ARHGAP26: variants seen among roughly 807,000 people sequenced by gnomAD.
ARHGAP26 encodes Rho GTPase activating protein 26, also known as rho GTPase-activating protein 26.
ARHGAP26 carries 38 observed loss-of-function variants against 104.8 expected under a neutral mutation model. The observed-to-expected ratio is 0.36, with a 90% CI of 0.28 to 0.48. The LOEUF (loss-of-function observed/expected upper bound fraction) is 0.48, where lower values mean the gene tolerates loss of function less well. Among genes scored for constraint, ARHGAP26 ranks in the 20% least tolerant of loss-of-function variants. The pLI, the probability that ARHGAP26 is intolerant of heterozygous loss-of-function variation, is 0.99. For synonymous variants in ARHGAP26, 341 were observed against 340.0 expected, an observed-to-expected ratio of 1.00 and a Z score of -0.03; for missense variants, 704 against 947.9, an observed-to-expected ratio of 0.74 and a Z score of 3.38.
At chr5:142,778,445 TG>T (rs1756810519) in intron 1 of ARHGAP26, among the ~76,000 whole-genome samples, 1 of 152,342 alleles carries the variant, frequency 6.6e-6, no homozygotes, top group African/African-American at 2.4e-5. Context: ...TTTTTCTGCG[TG>T]TTTTTTTCAT....
intron 1 of ARHGAP26, among the ~76,000 whole-genome samples, chr5:142,821,966 C>T (rs543221435): frequency 6.6e-6 from 1 of 152,282 alleles, no homozygotes; most frequent in African/African-American, 2.4e-5. Flanking sequence ...AGGGCTGACC[C>T]AGCCCTTTGA....
At chr5:143,053,577 T>G (rs1785340773) in intron 14 of ARHGAP26, among the ~76,000 whole-genome samples, 1 of 152,244 alleles carries the variant, frequency 6.6e-6, no homozygotes, top group Admixed American at 6.5e-5. Context: ...TCAGGAAGAT[T>G]ATAAGAATTA....
intron 22 of ARHGAP26, chr5:143,216,877 AG>A (rs1810422200): frequency 6.6e-6 from 1 of 152,626 alleles, no homozygotes; most frequent in Admixed American, 6.5e-5. Context: ...ATATGTTATT[AG>A]GTCTTTTTTC....
At chr5:143,131,776 G>A (rs1797381195) in intron 18 of ARHGAP26, among the ~76,000 whole-genome samples, 1 of 152,168 alleles carries the variant, frequency 6.6e-6, no homozygotes, top group South Asian at 2.1e-4. Context: ...CATCTGCCTA[G>A]CATAGTGCCT....
At chr5:143,210,151 GA>G (rs1809219794) in intron 21 of ARHGAP26, among the ~76,000 whole-genome samples, 1 of 152,170 alleles carries the variant, frequency 6.6e-6, no homozygotes, top group Non-Finnish European at 1.5e-5. Flanking sequence ...AGACTGGGAA[GA>G]AAAAGACGTT....
At chr5:142,923,954 C>T (rs1438184805) in intron 10 of ARHGAP26, among the ~76,000 whole-genome samples, 4 of 151,338 alleles carry the variant, frequency 2.6e-5, no homozygotes, top group East Asian at 1.9e-4. Context: ...CTCCGCCCCC[C>T]GGGTTCGTGC....
intron 1 of ARHGAP26, among the ~76,000 whole-genome samples, chr5:142,793,584 AT>A (rs1055025941): frequency 6.6e-6 from 1 of 151,120 alleles, no homozygotes; most frequent in Non-Finnish European, 1.5e-5. Context: ...TTATTTATTT[AT>A]TTTTTCTTTT....
At chr5:142,861,226 C>T (rs1236249043) in intron 1 of ARHGAP26, among the ~76,000 whole-genome samples, 1 of 152,000 alleles carries the variant, frequency 6.6e-6, no homozygotes, top group Non-Finnish European at 1.5e-5. Flanking sequence ...CGTTCTTGGT[C>T]CCTGGAGCAC....
At chr5:142,962,100 C>A (rs368684433) in intron 11 of ARHGAP26, among the ~76,000 whole-genome samples, 1 of 151,982 alleles carries the variant, frequency 6.6e-6, no homozygotes, top group African/African-American at 2.4e-5. Flanking sequence ...ATGCGAGTGG[C>A]GAAAAAATGG....
chr5:143,122,638 C>A (rs1434719068), intron 18 of ARHGAP26, among the ~76,000 whole-genome samples: 1 of 152,132 alleles, frequency 6.6e-6, no homozygotes, highest in Non-Finnish European at 1.5e-5. Flanking sequence ...GCTTTATAGA[C>A]AGAAAAGGGC....
intron 10 of ARHGAP26, among the ~76,000 whole-genome samples, chr5:142,927,000 T>C (rs1372338413): frequency 3.3e-5 from 5 of 152,182 alleles, no homozygotes; most frequent in Non-Finnish European, 7.3e-5. Context: ...GTAATTGAAC[T>C]GCTCTATGCT....
chr5:142,813,158 G>T (rs894827853), intron 1 of ARHGAP26, among the ~76,000 whole-genome samples: 3 of 152,058 alleles, frequency 2.0e-5, no homozygotes, highest in African/African-American at 7.2e-5. Flanking sequence ...AACCAGGATG[G>T]TCTTGATCTC....
chr5:143,155,764 C>T (rs1229981067), intron 20 of ARHGAP26, among the ~76,000 whole-genome samples: 1 of 152,212 alleles, frequency 6.6e-6, no homozygotes, highest in Admixed American at 6.5e-5. Context: ...TTCTTTTCTC[C>T]TGTACAAGCT....
chr5:143,173,372 A>T (rs187290009), intron 20 of ARHGAP26, among the ~76,000 whole-genome samples: 140 of 152,298 alleles, frequency 9.2e-4, no homozygotes, highest in African/African-American at 3.2e-3. Context: ...ACCATTCTGC[A>T]GGGTGTGCAG....
chr5:142,964,268 A>C (rs1288030104), intron 11 of ARHGAP26, among the ~76,000 whole-genome samples: 3 of 152,196 alleles, frequency 2.0e-5, no homozygotes, highest in African/African-American at 7.2e-5. Context: ...CCCAAACTTT[A>C]GTTTTCTCCC....
At chr5:142,890,288 G>T (rs1412707452) in intron 5 of ARHGAP26, among the ~76,000 whole-genome samples, 1 of 149,108 alleles carries the variant, frequency 6.7e-6, no homozygotes, top group Non-Finnish European at 1.5e-5. Context: ...GTTAAAATGT[G>T]TGTTTATCTA....
At chr5:142,789,749 G>C (rs1257612700) in intron 1 of ARHGAP26, among the ~76,000 whole-genome samples, 1 of 152,112 alleles carries the variant, frequency 6.6e-6, no homozygotes, top group Admixed American at 6.5e-5. Flanking sequence ...TAGCAGACTC[G>C]AACACTTGGG....
intron 18 of ARHGAP26, among the ~76,000 whole-genome samples, 179 bp downstream of exon 18, chr5:143,121,326 G>T (rs1249651318): frequency 2.0e-5 from 3 of 152,192 alleles, no homozygotes; most frequent in African/African-American, 7.2e-5. Context: ...TGGTAAAGGT[G>T]TCAACCGTGG....
At chr5:143,177,035 T>G (rs1803563201) in intron 20 of ARHGAP26, among the ~76,000 whole-genome samples, 1 of 152,204 alleles carries the variant, frequency 6.6e-6, no homozygotes, top group Non-Finnish European at 1.5e-5. Context: ...GAACAAGCCA[T>G]TTGACCTTTA....
Sources: gnomAD v4.1 joint callset for allele counts (sites outside exome capture counted in the v4.1 genomes callset) on GRCh38, gnomAD v4.1.1 for gene constraint, MANE v1.5 for transcripts, NCBI Gene and HGNC (gene_info 2026-07-23, HGNC 2026-07-21) for gene names.